FAT3: variants seen among roughly 807,000 people sequenced by gnomAD.
The protein encoded by FAT3 is FAT atypical cadherin 3.
In FAT3, 95 loss-of-function variants were observed where a neutral mutation model predicts 310.2. That is an observed-to-expected ratio of 0.31 (90% CI 0.26 to 0.36). The LOEUF (loss-of-function observed/expected upper bound fraction) is 0.36. Among genes scored for constraint, FAT3 ranks in the 10% least tolerant of loss-of-function variants. The pLI, the probability that FAT3 is intolerant of heterozygous loss-of-function variation, is 1.00. For missense variants in FAT3, 5,408 were observed against 5,715.6 expected, an observed-to-expected ratio of 0.95 and a Z score of 1.74; for synonymous variants, 2,314 against 2,192.9, an observed-to-expected ratio of 1.06 and a Z score of -1.54.
At chr11:92,877,619 T>G (rs892273595) in intron 22 of FAT3, among the ~76,000 whole-genome samples, 1 of 152,194 alleles carries the variant, frequency 6.6e-6, no homozygotes, top group Admixed American at 6.5e-5. Context: ...AAACTGACCA[T>G]GACAAAGCTA....
At chr11:92,228,980 G>A (rs1864034804) in intron 1 of FAT3, among the ~76,000 whole-genome samples, 1 of 152,130 alleles carries the variant, frequency 6.6e-6, no homozygotes, top group Non-Finnish European at 1.5e-5. Flanking sequence ...TGCTGAAGAA[G>A]GACTATTGAT....
intron 3 of FAT3, among the ~76,000 whole-genome samples, chr11:92,569,852 A>G (rs1360394381): frequency 6.6e-6 from 1 of 152,138 alleles, no homozygotes; most frequent in Non-Finnish European, 1.5e-5. Flanking sequence ...TCAGTGGCTC[A>G]TCTCAGTAAT....
At chr11:92,829,652 C>G (rs965255487) in intron 13 of FAT3, among the ~76,000 whole-genome samples, 1 of 152,174 alleles carries the variant, frequency 6.6e-6, no homozygotes, top group Non-Finnish European at 1.5e-5. Context: ...AATGTCTGCT[C>G]TGAAGCCTTA....
chr11:92,697,345 C>G, intron 3 of FAT3, 39 bp from the exon 4 acceptor site: 1 of 1,597,354 alleles, frequency 6.3e-7, no homozygotes, highest in Non-Finnish European at 8.6e-7. Context: ...GCTGTTTGCC[C>G]CAGATATTTA....
chr11:92,279,164 T>C (rs1946356559), intron 1 of FAT3, among the ~76,000 whole-genome samples: 1 of 152,182 alleles, frequency 6.6e-6, no homozygotes, highest in African/African-American at 2.4e-5. Flanking sequence ...CTGTGCATAC[T>C]ATAATGACCT....
At chr11:92,473,168 C>G (rs747279202) in intron 2 of FAT3, among the ~76,000 whole-genome samples, 1 of 152,172 alleles carries the variant, frequency 6.6e-6, no homozygotes, top group Non-Finnish European at 1.5e-5. Context: ...GTATCTATCT[C>G]TCTAATTAGG....
At chr11:92,586,488 T>C (rs1792354) in intron 3 of FAT3, among the ~76,000 whole-genome samples, 54,895 of 151,858 alleles carry the variant, frequency 0.36, 10,341 homozygotes, top group African/African-American at 0.45. Context: ...TTTTAAAAGG[T>C]GTCTCTGAGT....
chr11:92,608,587 T>C (rs1940415225), intron 3 of FAT3, among the ~76,000 whole-genome samples: 1 of 152,102 alleles, frequency 6.6e-6, no homozygotes, highest in Non-Finnish European at 1.5e-5. Flanking sequence ...AAACAAGATA[T>C]AGCTTTTAGA....
At chr11:92,753,998 G>A (rs1047386496) in intron 4 of FAT3, among the ~76,000 whole-genome samples, 8 of 151,844 alleles carry the variant, frequency 5.3e-5, no homozygotes, top group Admixed American at 1.3e-4. Context: ...GGGGAAGGTG[G>A]AGGAGGGATA....
chr11:92,789,847 G>A, intron 7 of FAT3, 96 bp from the exon 8 acceptor site: 1 of 1,307,422 alleles, frequency 7.6e-7, no homozygotes, highest in Non-Finnish European at 1.1e-6. Flanking sequence ...TAGGATCCAA[G>A]GACGGGGAAG....
intron 3 of FAT3, among the ~76,000 whole-genome samples, chr11:92,691,733 G>A (rs923508120): frequency 2.0e-5 from 3 of 152,052 alleles, no homozygotes; most frequent in Non-Finnish European, 4.4e-5. Context: ...AATTAACCTC[G>A]GGCAAGTTTA....
chr11:92,766,695 C>G (rs1473831969), intron 6 of FAT3: 3 of 152,362 alleles, frequency 2.0e-5, no homozygotes, highest in East Asian at 3.9e-4. Context: ...CATTGCTACT[C>G]AACATATTTG....
chr11:92,299,183 G>A (rs1362727293), intron 1 of FAT3, among the ~76,000 whole-genome samples: 1 of 152,056 alleles, frequency 6.6e-6, no homozygotes, highest in Admixed American at 6.6e-5. Flanking sequence ...ACTTATAATG[G>A]TGGGGTACAA....
intron 8 of FAT3, among the ~76,000 whole-genome samples, chr11:92,791,315 T>C (rs1467310704): frequency 6.6e-6 from 1 of 152,162 alleles, no homozygotes; most frequent in East Asian, 1.9e-4. Flanking sequence ...TTACACTAAA[T>C]TGGAACTGAC....
rs150866686 is a variant in FAT3 at position 92,665,009 on chromosome 11, C to T, written c.3608-32375C>T. Among the ~76,000 whole-genome samples, 1,339 of 152,262 alleles carry T rather than the reference C, an allele frequency of 8.8e-3. 22 individuals carry two copies. The highest frequency in any genetic ancestry group is 0.031 in the African/African-American group (1,274 of 41,548). On this transcript the variant is annotated intron_variant, in intron 3 of 27. Coordinates refer to ENST00000525166, the MANE Select transcript of FAT3 (RefSeq NM_001367949.2). ...ACCCTAAAAATCCTCAGCAAGGGGC[C>T]ACATTTGTCTCATTTGTCATCCATG...
At chr11:92,632,766 C>T (rs898582454) in intron 3 of FAT3, among the ~76,000 whole-genome samples, 1 of 152,216 alleles carries the variant, frequency 6.6e-6, no homozygotes, top group Non-Finnish European at 1.5e-5. Flanking sequence ...ATTCCACCTT[C>T]TGGCTAGTAA....
intron 1 of FAT3, among the ~76,000 whole-genome samples, chr11:92,309,392 A>G (rs1393636340): frequency 2.4e-5 from 2 of 83,814 alleles, no homozygotes; most frequent in South Asian, 3.5e-4. Context: ...ATGCACACAC[A>G]CACACACACA....
intron 2 of FAT3, among the ~76,000 whole-genome samples, chr11:92,385,201 A>G (rs928860819): frequency 6.6e-6 from 1 of 152,194 alleles, no homozygotes; most frequent in Non-Finnish European, 1.5e-5. Flanking sequence ...TACAGTCAGG[A>G]AGAGACCTTT....
rs777248227 is a variant in FAT3, at chr11:92,882,816, C to T, written c.12360C>T (p.Phe4120=). 6.2e-6 allele frequency: 10 copies of T among 1,611,950 alleles called. No individual in the cohort carries two copies. Among genetic ancestry groups the T allele is most frequent in the Admixed American group, 1.7e-5 (1 of 59,762 alleles). ...CCTGCGTGAACGTGTTCGGCTCCTT[C>T]CTCTGCAACTGCACGCCGGGCTACG... The part of the protein sequence containing the change: ...GGSCVNVFGS[F]LCNCTPGYVG... The change falls in exon 24 of 28, where the codon TTC becomes TTT. Residue 4120 remains phenylalanine, a synonymous_variant. Coordinates refer to ENST00000525166, the MANE Select transcript of FAT3 (RefSeq NM_001367949.2).
Sources: gnomAD v4.1 joint callset for allele counts (sites outside exome capture counted in the v4.1 genomes callset) on GRCh38, gnomAD v4.1.1 for gene constraint, MANE v1.5 for transcripts, NCBI Gene and HGNC (gene_info 2026-07-23, HGNC 2026-07-21) for gene names.